ADGRL3: variants seen among roughly 807,000 people sequenced by gnomAD.
ADGRL3 encodes the protein calcium-independent alpha-latrotoxin receptor 3.
ADGRL3 carries 62 observed loss-of-function variants against 153.5 expected under a neutral mutation model. The ratio of observed to expected loss-of-function variants is 0.40; its 90% CI spans 0.33 to 0.50. The LOEUF (loss-of-function observed/expected upper bound fraction) is 0.50, where lower values mean the gene tolerates loss of function less well. Among genes scored for constraint, ADGRL3 ranks in the 20% least tolerant of loss-of-function variants. The pLI is 0.47. For synonymous variants in ADGRL3, 710 were observed against 672.5 expected (o/e 1.06, Z -0.86); for missense variants, 1,641 against 1,859.4 (o/e 0.88, Z 2.16).
chr4:61,533,021 G>A (rs2098633122), intron 4 of ADGRL3, among the ~76,000 whole-genome samples: 1 of 152,100 alleles, frequency 6.6e-6, no homozygotes, highest in South Asian at 2.1e-4. Flanking sequence ...AGGACAAGGT[G>A]TAGTGCATAA....
At chr4:61,558,104 A>G (rs2098775641) in intron 4 of ADGRL3, among the ~76,000 whole-genome samples, 1 of 146,820 alleles carries the variant, frequency 6.8e-6, no homozygotes, top group Admixed American at 6.9e-5. Context: ...TCTCTGTGAA[A>G]TTCCTACATA....
chr4:62,002,928 A>AAC (rs2099145646), intron 21 of ADGRL3, among the ~76,000 whole-genome samples: 1 of 152,194 alleles, frequency 6.6e-6, no homozygotes, highest in African/African-American at 2.4e-5. Flanking sequence ...TGACATGTGA[A>AAC]ACATTTGTAA....
At chr4:61,560,972 G>A (rs1279632498) in intron 4 of ADGRL3, among the ~76,000 whole-genome samples, 2 of 152,040 alleles carry the variant, frequency 1.3e-5, no homozygotes, top group Non-Finnish European at 2.9e-5. Flanking sequence ...ATAGATATTG[G>A]TAAAAGATAT....
intron 20 of ADGRL3, among the ~76,000 whole-genome samples, chr4:61,997,417 G>T (rs184144024): frequency 2.6e-3 from 391 of 151,996 alleles, no homozygotes; most frequent in Non-Finnish European, 4.7e-3. Flanking sequence ...TTTTGGATTT[G>T]GGGATGATTG....
At chr4:61,862,032 T>G (rs1462490773) in intron 9 of ADGRL3, among the ~76,000 whole-genome samples, 1 of 152,206 alleles carries the variant, frequency 6.6e-6, no homozygotes, top group Non-Finnish European at 1.5e-5. Context: ...GCAAGTCATA[T>G]AGCATCACTT....
intron 9 of ADGRL3, among the ~76,000 whole-genome samples, chr4:61,851,826 A>G (rs760403733): frequency 3.3e-5 from 5 of 152,170 alleles, no homozygotes; most frequent in Non-Finnish European, 7.3e-5. Flanking sequence ...GGCATAATAT[A>G]ATAGATCCAA....
At chr4:61,552,076 G>A (rs1355642401) in intron 4 of ADGRL3, among the ~76,000 whole-genome samples, 1 of 152,136 alleles carries the variant, frequency 6.6e-6, no homozygotes. Flanking sequence ...TGTTTTAAGT[G>A]TTTAAAATAC....
At position 62,044,547 on chromosome 4, in the gene ADGRL3, G is replaced by C. The variant is rs1730081346; in HGVS notation, c.3812G>C (p.Arg1271Thr). Residue 1271 changes from arginine (R) to threonine (T), a missense_variant and splice_region_variant, in exon 25 of 27, where the codon AGA becomes ACA. Arg to Thr is a moderately conservative substitution (Grantham distance 71). Transcript: ENST00000683033. ...GDINSSASLN[R>T]EPYRETKGLL... ...ATAAACAGTTCAGCGTCACTCAACA[G>C]AGGTAATTAGAAATAATTTTTCATA... is the stretch of plus-strand genomic sequence containing the variant. 2 of 1,555,130 alleles carry C rather than the reference G, an allele frequency of 1.3e-6. No individual in the cohort carries two copies. Among genetic ancestry groups the C allele is most frequent in the Non-Finnish European group, 1.7e-6 (2 of 1,143,670 alleles).
chr4:61,334,675 T>A (rs796827226), intron 1 of ADGRL3, among the ~76,000 whole-genome samples: 1 of 152,176 alleles, frequency 6.6e-6, no homozygotes, highest in Admixed American at 6.5e-5. Flanking sequence ...TGGGTTTTAC[T>A]ATGTTAATTG....
rs556905946 is a variant in ADGRL3 at position 61,887,627 on chromosome 4, G to A, written c.1481-5029G>A. Among the ~76,000 whole-genome samples the A allele has an allele frequency of 4.5e-4, 68 of 152,158 alleles. 1 individual carries two copies. The highest frequency in any genetic ancestry group is 5.9e-4 in the Non-Finnish European group (40 of 68,000). ...TTTGGGAGGCCGAAGAGGGCAGATC[G>A]CAAGGTCAAGAGATCGAGACCATCC... On this transcript the variant is annotated intron_variant, in intron 9 of 26. Coordinates refer to ENST00000683033, the MANE Select transcript of ADGRL3 (RefSeq NM_001387552.1).
rs559403179 is a variant in ADGRL3 at position 61,411,191 on chromosome 4, C to T, written c.-174+28002C>T. Among the ~76,000 whole-genome samples, 4 of 152,228 alleles carry T rather than the reference C, an allele frequency of 2.6e-5. No homozygotes were observed. The South Asian group carries it at 6.2e-4, about 24-fold the overall frequency. The stretch of plus-strand genomic sequence containing the variant: ...AACAATGTCAGTTATAACAAAAGAA[C>T]ATTTCTGATCATATATTACATTCAG... On this transcript the variant is annotated intron_variant, in intron 2 of 26. Transcript: ENST00000683033.
chr4:61,804,819 G>GTCAC, intron 8 of ADGRL3, among the ~76,000 whole-genome samples: 1 of 152,062 alleles, frequency 6.6e-6, no homozygotes, highest in East Asian at 1.9e-4. Flanking sequence ...GTCAAATTCA[G>GTCAC]GCTACTACAT....
At chr4:61,350,730 G>A (rs192187427) in intron 1 of ADGRL3, among the ~76,000 whole-genome samples, 1 of 152,104 alleles carries the variant, frequency 6.6e-6, no homozygotes, top group African/African-American at 2.4e-5. Flanking sequence ...ATTACTCTGG[G>A]GCATGATGAG....
At chr4:61,270,331 G>T (rs977705110) in intron 1 of ADGRL3, among the ~76,000 whole-genome samples, 2 of 151,872 alleles carry the variant, frequency 1.3e-5, no homozygotes, top group African/African-American at 4.8e-5. Flanking sequence ...AGAACTCACA[G>T]AATATTGTTG....
At chr4:61,984,252 T>C (rs957530963) in intron 19 of ADGRL3, among the ~76,000 whole-genome samples, 1 of 152,120 alleles carries the variant, frequency 6.6e-6, no homozygotes, top group Non-Finnish European at 1.5e-5. Context: ...GATTAGAAAG[T>C]AAACCAAGAT....
chr4:61,864,599 G>A (rs1367841026), intron 9 of ADGRL3, among the ~76,000 whole-genome samples: 3 of 152,128 alleles, frequency 2.0e-5, no homozygotes, highest in African/African-American at 7.2e-5. Flanking sequence ...TAGTAATGCT[G>A]GCTTTAGAAG....
chr4:61,280,007 C>G (rs528285300), intron 1 of ADGRL3, among the ~76,000 whole-genome samples: 1 of 151,988 alleles, frequency 6.6e-6, no homozygotes, highest in Non-Finnish European at 1.5e-5. Flanking sequence ...GTTGTGGTAC[C>G]TTCATCCCAG....
At chr4:61,536,311 G>C (rs770702584) in intron 4 of ADGRL3, among the ~76,000 whole-genome samples, 48 of 152,042 alleles carry the variant, frequency 3.2e-4, no homozygotes, top group Admixed American at 1.2e-3. Context: ...CATATGGTCA[G>C]TTTTAGAGAA....
intron 11 of ADGRL3, among the ~76,000 whole-genome samples, chr4:61,907,239 A>T: frequency 6.6e-6 from 1 of 151,908 alleles, no homozygotes; most frequent in East Asian, 1.9e-4. Context: ...AAATGCTTGT[A>T]TATATTTTTT....
Sources: gnomAD v4.1 joint callset for allele counts (sites outside exome capture counted in the v4.1 genomes callset) on GRCh38, gnomAD v4.1.1 for gene constraint, MANE v1.5 for transcripts, NCBI Gene and HGNC (gene_info 2026-07-23, HGNC 2026-07-21) for gene names.